Variants in KCND3 observed in about 807,000 individuals in gnomAD.
KCND3 encodes the protein potassium voltage-gated channel subfamily D member 3.
KCND3 carries 9 observed loss-of-function variants against 51.1 expected under a neutral mutation model. The ratio of observed to expected loss-of-function variants is 0.18; its 90% CI spans 0.11 to 0.31. The LOEUF is 0.31. KCND3 is among the 10% of genes least tolerant of loss of function. The pLI is 1.00. For missense variants in KCND3, 526 were observed against 903.8 expected (o/e 0.58, Z 5.36); for synonymous variants, 349 against 368.0 (o/e 0.95, Z 0.59).
intron 2 of KCND3, among the ~76,000 whole-genome samples, chr1:111,819,304 A>G (rs2101593134): frequency 6.6e-6 from 1 of 152,264 alleles, no homozygotes; most frequent in East Asian, 1.9e-4. Context: ...AAGTTACAGC[A>G]GGTCTTCTTC....
chr1:111,932,679 C>T (rs147540471), intron 2 of KCND3, among the ~76,000 whole-genome samples: 256 of 152,372 alleles, frequency 1.7e-3, no homozygotes, highest in Middle Eastern at 0.01. Flanking sequence ...AAAGTTCACA[C>T]ATACTATAGC....
chr1:111,983,212 A>G (rs1675070112), intron 1 of KCND3, among the ~76,000 whole-genome samples: 1 of 152,204 alleles, frequency 6.6e-6, no homozygotes, highest in African/African-American at 2.4e-5. Context: ...TGGGATAAAC[A>G]TGCTAATTTT....
intron 2 of KCND3, among the ~76,000 whole-genome samples, chr1:111,959,070 TA>T (rs1673495342): frequency 6.6e-6 from 1 of 152,208 alleles, no homozygotes; most frequent in South Asian, 2.1e-4. Context: ...CCAGACTGCA[TA>T]ACAGTTAGGC....
At chr1:111,880,544 TG>T (rs1214848565) in intron 2 of KCND3, among the ~76,000 whole-genome samples, 1 of 152,182 alleles carries the variant, frequency 6.6e-6, no homozygotes, top group Non-Finnish European at 1.5e-5. Context: ...GCACTCCAAA[TG>T]GCAACAAATA....
intron 2 of KCND3, 121 bp from the exon 3 acceptor site, chr1:111,787,227 C>T (rs1032797310): frequency 3.8e-5 from 39 of 1,030,502 alleles, no homozygotes; most frequent in Non-Finnish European, 5.5e-5. Context: ...CTTAGAGTAT[C>T]TACTATGTGC....
intron 2 of KCND3, among the ~76,000 whole-genome samples, chr1:111,975,935 C>T (rs1021960330): frequency 6.6e-6 from 1 of 152,198 alleles, no homozygotes; most frequent in Non-Finnish European, 1.5e-5. Context: ...CTGAGAGGCC[C>T]TTCTTGACAT....
At chr1:111,922,661 G>A (rs1161337740) in intron 2 of KCND3, among the ~76,000 whole-genome samples, 1 of 152,160 alleles carries the variant, frequency 6.6e-6, no homozygotes, top group Non-Finnish European at 1.5e-5. Context: ...ACATGTAAGG[G>A]CTCTGAACAG....
intron 2 of KCND3, among the ~76,000 whole-genome samples, chr1:111,924,276 A>C (rs1406194417): frequency 6.6e-6 from 1 of 152,240 alleles, no homozygotes; most frequent in Non-Finnish European, 1.5e-5. Context: ...ACAAATAATT[A>C]TGATAATGTG....
intron 2 of KCND3, among the ~76,000 whole-genome samples, chr1:111,864,746 A>G (rs1467775492): frequency 6.6e-6 from 1 of 152,210 alleles, no homozygotes; most frequent in Non-Finnish European, 1.5e-5. Context: ...TATGCCCTTC[A>G]GATGGCCTCA....
intron 2 of KCND3, among the ~76,000 whole-genome samples, chr1:111,943,371 ACT>A (rs1491170649): frequency 7.0e-6 from 1 of 143,650 alleles, no homozygotes; most frequent in Non-Finnish European, 1.6e-5. Context: ...TCCTCAGAGC[ACT>A]GTTTCACTCT....
At chr1:111,925,926 C>T (rs573445139) in intron 2 of KCND3, among the ~76,000 whole-genome samples, 1 of 152,172 alleles carries the variant, frequency 6.6e-6, no homozygotes, top group African/African-American at 2.4e-5. Context: ...TTAGTATCCT[C>T]CCCCTCCCCA....
At chr1:111,843,766 T>C (rs1227560215) in intron 2 of KCND3, among the ~76,000 whole-genome samples, 1 of 152,228 alleles carries the variant, frequency 6.6e-6, no homozygotes, top group African/African-American at 2.4e-5. Context: ...TACACGGTGT[T>C]ACTGCTGCTC....
chr1:111,899,438 G>A (rs191916381), intron 2 of KCND3, among the ~76,000 whole-genome samples: 7 of 152,296 alleles, frequency 4.6e-5, no homozygotes, highest in East Asian at 1.9e-4. Context: ...GGCAGGGACC[G>A]GGGTCAGGGA....
chr1:111,860,561 CTA>C (rs1668293070), intron 2 of KCND3, among the ~76,000 whole-genome samples: 7 of 152,252 alleles, frequency 4.6e-5, no homozygotes, highest in Admixed American at 3.9e-4. Flanking sequence ...GGATTTAGTT[CTA>C]TCCATGCTGC....
At chr1:111,966,691 A>T (rs1674009368) in intron 2 of KCND3, among the ~76,000 whole-genome samples, 1 of 152,178 alleles carries the variant, frequency 6.6e-6, no homozygotes, top group Admixed American at 6.5e-5. Context: ...CCCTGATCTG[A>T]GTTATACCTG....
intron 2 of KCND3, among the ~76,000 whole-genome samples, chr1:111,806,508 T>C (rs1022929646): frequency 1.3e-5 from 2 of 152,224 alleles, no homozygotes; most frequent in Non-Finnish European, 1.5e-5. Flanking sequence ...TGTTTTCTCA[T>C]CTGTAAATGG....
intron 2 of KCND3, among the ~76,000 whole-genome samples, chr1:111,838,411 G>A (rs1018894543): frequency 1.2e-4 from 19 of 152,220 alleles, no homozygotes; most frequent in African/African-American, 3.1e-4. Context: ...ACATCCCAGC[G>A]CGTTGGGAGG....
At chr1:111,868,613 A>G (rs1668691357) in intron 2 of KCND3, among the ~76,000 whole-genome samples, 2 of 152,226 alleles carry the variant, frequency 1.3e-5, no homozygotes. Flanking sequence ...CCATTTATTA[A>G]GCATTTACTA....
intron 2 of KCND3, among the ~76,000 whole-genome samples, chr1:111,883,385 C>T (rs1446217533): frequency 6.6e-6 from 1 of 152,238 alleles, no homozygotes; most frequent in Non-Finnish European, 1.5e-5. Flanking sequence ...CCCTGCTTTG[C>T]TCAGCTCTTA....
Sources: allele counts gnomAD v4.1 joint callset (sites outside exome capture counted in the v4.1 genomes callset), GRCh38; gene constraint gnomAD v4.1.1; transcripts MANE v1.5; gene names NCBI Gene and HGNC (gene_info 2026-07-23, HGNC 2026-07-21).